SUN1: variants seen among roughly 807,000 people sequenced by gnomAD.
The protein encoded by SUN1 is Sad1 and UNC84 domain containing 1, also known as SUN domain-containing protein 1.
In SUN1, 61 loss-of-function variants were observed where a neutral mutation model predicts 103.2. That is an observed-to-expected ratio of 0.59 (90% CI 0.48 to 0.73). The LOEUF is 0.73. SUN1 is among the 30% of genes least tolerant of loss of function. The probability of loss-of-function intolerance (pLI) is 0.00; values close to 1 mark genes in which losing one functional copy is unlikely to be tolerated. For synonymous variants in SUN1, 490 were observed against 425.7 expected (o/e 1.15, Z -1.86); for missense variants, 1,052 against 1,034.6 (o/e 1.02, Z -0.23).
At chr7:849,970 C>T in intron 5 of SUN1, 2 of 1,602,538 alleles carry the variant, frequency 1.2e-6, no homozygotes, top group Non-Finnish European at 1.7e-6. Context: ...CACAGCCGCC[C>T]ACTCGCAGTC....
intron 2 of SUN1, 178 bp from the exon 3 acceptor site, chr7:841,768 A>T: frequency 1.6e-6 from 1 of 630,808 alleles, no homozygotes; most frequent in Non-Finnish European, 2.7e-6. Flanking sequence ...CTTGGATCCC[A>T]GCTCAAAAAT....
intron 16 of SUN1, chr7:868,460 G>A: frequency 6.7e-6 from 2 of 299,338 alleles, no homozygotes; most frequent in South Asian, 5.6e-5. Context: ...TTTTCCCAGG[G>A]CATCAGCAGC....
At chr7:817,474 C>G (rs939408601) in intron 1 of SUN1, 2 of 1,536,040 alleles carry the variant, frequency 1.3e-6, no homozygotes, top group Admixed American at 2.0e-5. Flanking sequence ...GGATTTCTCC[C>G]GGCTCCCCAG....
chr7:835,859 A>G (rs1174788593), intron 1 of SUN1, among the ~76,000 whole-genome samples: 1 of 152,134 alleles, frequency 6.6e-6, no homozygotes, highest in Admixed American at 6.5e-5. Flanking sequence ...GCTCAGATCC[A>G]GGGGGGCTGG....
chr7:866,028 G>T lies in SUN1; in HGVS notation c.1941G>T (p.Pro647=), dbSNP rs199720270. The T allele has an allele frequency of 6.2e-7, 1 of 1,614,088 alleles. No homozygotes were observed. Among genetic ancestry groups the T allele is most frequent in the African/African-American group, 1.3e-5 (1 of 75,010 alleles). ...KTALMSLFGI[P]LWYFSQSPRV... ...CGCTGATGAGTCTGTTTGGGATCCC[G>T]CTGTGGTACTTCTCGCAGTCCCCGC... Residue 647 remains proline (P), a synonymous_variant, in exon 16 of 19, where the codon CCG becomes CCT. Transcript: ENST00000401592.
At chr7:820,889 A>G (rs1785246214) in intron 1 of SUN1, among the ~76,000 whole-genome samples, 1 of 152,088 alleles carries the variant, frequency 6.6e-6, no homozygotes. Flanking sequence ...CTCACTTCCA[A>G]TTGTAAACTA....
intron 15 of SUN1, among the ~76,000 whole-genome samples, chr7:865,094 T>A (rs1299389904): frequency 6.6e-6 from 1 of 152,186 alleles, no homozygotes; most frequent in Non-Finnish European, 1.5e-5. Flanking sequence ...TATGCCTGGC[T>A]TATTTCACTT....
rs745875479 is a variant in SUN1 at position 874,421 on chromosome 7, T to C, written c.*1090T>C. The C allele has an allele frequency of 6.6e-6, 1 of 152,658 alleles. No individual in the cohort carries two copies. Among genetic ancestry groups the C allele is most frequent in the Non-Finnish European group, 1.5e-5 (1 of 68,046 alleles). 9.5% of individuals were successfully genotyped at this position (152,658 alleles called of 1,614,324 possible). A position where few individuals can be genotyped will look rare whatever the true frequency, so the allele number is the denominator to read the frequency against. ...TGAGATATCTACAAGGCACTTAAAG[T>C]GTTACAGATGTTTTACCTTAAGAAT... On this transcript the variant is annotated 3_prime_UTR_variant, in exon 19 of 19. Coordinates refer to ENST00000401592, the MANE Select transcript of SUN1 (RefSeq NM_001130965.3).
At chr7:818,949 C>T (rs991402633) in intron 1 of SUN1, among the ~76,000 whole-genome samples, 4 of 151,922 alleles carry the variant, frequency 2.6e-5, no homozygotes, top group African/African-American at 7.2e-5. Context: ...CCGCGACCTC[C>T]GCCTCCCGGG....
At chr7:853,139 C>T in intron 9 of SUN1, 187 bp downstream of exon 9, 1 of 800,560 alleles carries the variant, frequency 1.2e-6, no homozygotes, top group Non-Finnish European at 1.9e-6. Flanking sequence ...ATTTAAAGTA[C>T]TCTCATGATT....
At chr7:845,370 C>T (rs1219725082) in intron 5 of SUN1, among the ~76,000 whole-genome samples, 7 of 152,214 alleles carry the variant, frequency 4.6e-5, no homozygotes, top group Non-Finnish European at 8.8e-5. Context: ...CCATCCTTCC[C>T]GCGGGGTTTC....
intron 1 of SUN1, among the ~76,000 whole-genome samples, chr7:825,317 C>T (rs1790666972): frequency 6.6e-6 from 1 of 152,186 alleles, no homozygotes; most frequent in Non-Finnish European, 1.5e-5. Flanking sequence ...CCATCTCGGC[C>T]TCCCAAAGTG....
upstream of SUN1, among the ~76,000 whole-genome samples, chr7:831,512 C>T (rs558342722): frequency 2.1e-4 from 32 of 152,248 alleles, no homozygotes; most frequent in African/African-American, 6.3e-4. Flanking sequence ...CCTCGTGATC[C>T]GCCCACCTCG....
upstream of SUN1, chr7:816,576 C>T (rs1278901042): frequency 2.5e-6 from 1 of 397,564 alleles, no homozygotes; most frequent in Non-Finnish European, 4.9e-6. Context: ...TGCTCCCGCC[C>T]TCGGCCCGGG....
chr7:826,478 T>G (rs990616637), intron 1 of SUN1, among the ~76,000 whole-genome samples: 1 of 152,184 alleles, frequency 6.6e-6, no homozygotes, highest in African/African-American at 2.4e-5. Context: ...CCACTGCTGG[T>G]AGGCCCTGCC....
At chr7:830,977 A>G (rs146605554), upstream of SUN1, 603 of 985,434 alleles carry the variant, frequency 6.1e-4, 3 homozygotes, top group African/African-American at 9.9e-3. Context: ...GTATAGGTGG[A>G]GGGTAGCCTA....
Position 852,817 on chromosome 7 carries a change from C to G in SUN1, c.918C>G (p.Leu306=), listed in dbSNP as rs746283455. The change falls in exon 9 of 19, where the codon CTC becomes CTG. Residue 306 remains leucine, a synonymous_variant. Coordinates refer to ENST00000401592, the MANE Select transcript of SUN1 (RefSeq NM_001130965.3). ...LIPLFLLLAG[L]SLRGQGNFFS... ...GTGGCTCTTCTCTTTTAGCAGGTCT[C>G]TCCTTACGGGGCCAGGGCAATTTCT... 6.2e-7 allele frequency: 1 copy of G among 1,612,900 alleles called. No individual in the cohort carries two copies. The highest frequency in any genetic ancestry group is 8.5e-7 in the Non-Finnish European group (1 of 1,179,254).
chr7:856,260 G>A, intron 11 of SUN1, 98 bp from the exon 12 acceptor site: 1 of 1,230,090 alleles, frequency 8.1e-7, no homozygotes, highest in Non-Finnish European at 1.2e-6. Flanking sequence ...ATTAAAGGGG[G>A]TATTCCAGAT....
At chr7:830,811 C>G (rs1797231769), upstream of SUN1, 1 of 322,440 alleles carries the variant, frequency 3.1e-6, no homozygotes, top group Non-Finnish European at 4.5e-6. Flanking sequence ...CCCAGTGTCC[C>G]CCAGGGTATA....
Sources: gnomAD v4.1 joint callset for allele counts (sites outside exome capture counted in the v4.1 genomes callset) on GRCh38, gnomAD v4.1.1 for gene constraint, MANE v1.5 for transcripts, NCBI Gene and HGNC (gene_info 2026-07-23, HGNC 2026-07-21) for gene names.